MMEL1: variants seen among roughly 807,000 people sequenced by gnomAD.
MMEL1 encodes the protein membrane metallo-endopeptidase-like 1.
In MMEL1, 98 loss-of-function variants were observed where a neutral mutation model predicts 117.1. The observed-to-expected ratio is 0.84, with a 90% confidence interval of 0.71 to 0.99. The LOEUF is 0.99. Among genes scored for constraint, MMEL1 ranks in the 50% least tolerant of loss-of-function variants. MMEL1 has a pLI of 0.00. For missense variants in MMEL1, 1,014 were observed against 1,049.1 expected, an observed-to-expected ratio of 0.97 and a Z score of 0.46; for synonymous variants, 390 against 415.1, an observed-to-expected ratio of 0.94 and a Z score of 0.74.
chr1:2,595,868 G>T lies in MMEL1; in HGVS notation c.1500+141C>A. 3.0e-6 allele frequency: 2 copies of T among 657,692 alleles called. No individual in the cohort carries two copies. The highest frequency in any genetic ancestry group is 2.5e-5 in the East Asian group (1 of 39,404). 40.7% of individuals were successfully genotyped at this position (657,692 alleles called of 1,614,324 possible). On this transcript the variant is annotated intron_variant, in intron 15 of 23. Coordinates refer to ENST00000378412, the MANE Select transcript of MMEL1 (RefSeq NM_033467.4). The surrounding 1 kb of genome is among the most constrained non-coding windows in gnomAD (Gnocchi z 4.8). The stretch of plus-strand genomic sequence containing the variant: ...TGGGGTCCTGTCTGCGCCTCCCGGG[G>T]CTGCCTTCTCCCCGTGGGGTCCTGT...
At chr1:2,604,058 A>G in intron 10 of MMEL1, 85 bp from the exon 11 acceptor site, 1 of 1,576,390 alleles carries the variant, frequency 6.3e-7, no homozygotes, top group Non-Finnish European at 8.6e-7. Context: ...CTACCGGCCC[A>G]CCCAGCACCC....
intron 22 of MMEL1, 118 bp downstream of exon 22, chr1:2,591,814 C>T: frequency 8.5e-7 from 1 of 1,177,724 alleles, no homozygotes; most frequent in Non-Finnish European, 1.3e-6. Context: ...GCCCCTCATG[C>T]TTTTCCCCCA....
chr1:2,595,905 G>A lies in MMEL1; in HGVS notation c.1500+104C>T, dbSNP rs1196232999. The A allele has an allele frequency of 1.2e-5, 11 of 916,978 alleles. No homozygotes were observed. In the Admixed American group the frequency reaches 1.6e-4, roughly 13 times the overall value. 56.8% of individuals were successfully genotyped at this position (916,978 alleles called of 1,614,324 possible). A position where few individuals can be genotyped will look rare whatever the true frequency, so the allele number is the denominator to read the frequency against. ...CCGTGGGGTCCTGTCTGCGCCTCCC[G>A]GGGCTGCCTTCTCCCCGTGGGGACC... On this transcript the variant is annotated intron_variant, in intron 15 of 23. Coordinates refer to ENST00000378412, the MANE Select transcript of MMEL1 (RefSeq NM_033467.4). The surrounding 1 kb of genome is among the most constrained non-coding windows in gnomAD (Gnocchi z 4.8).
intron 2 of MMEL1, among the ~76,000 whole-genome samples, chr1:2,626,139 C>A (rs552916740): frequency 3.3e-5 from 5 of 152,282 alleles, no homozygotes; most frequent in Non-Finnish European, 7.3e-5. Context: ...GCCAGATGTG[C>A]GATGCGATTA....
At chr1:2,608,916 C>G (rs140267934) in intron 6 of MMEL1, among the ~76,000 whole-genome samples, 1 of 91,144 alleles carries the variant, frequency 1.1e-5, no homozygotes, top group African/African-American at 5.7e-5. Context: ...CACATATATA[C>G]ACATACACGT....
intron 10 of MMEL1, 79 bp downstream of exon 10, chr1:2,604,068 C>A: frequency 6.3e-7 from 1 of 1,575,422 alleles, no homozygotes; most frequent in East Asian, 2.3e-5. Context: ...ACCCAGCACC[C>A]CCTCACCTTG....
At chr1:2,604,692 G>A (rs1023888062) in intron 9 of MMEL1, among the ~76,000 whole-genome samples, 1 of 152,120 alleles carries the variant, frequency 6.6e-6, no homozygotes, top group African/African-American at 2.4e-5. Context: ...CCCTACCCAG[G>A]TGCTTCCCGG....
Position 2,603,066 on chromosome 1 carries a change from GC to G in MMEL1, c.1041+817del, listed in dbSNP as rs1020508512. Among the ~76,000 whole-genome samples, 76 of 152,326 alleles carry G rather than the reference GC, an allele frequency of 5.0e-4. 1 individual carries two copies. Among genetic ancestry groups the G allele is most frequent in the African/African-American group, 1.8e-3 (73 of 41,576 alleles). On this transcript the variant is annotated intron_variant, in intron 11 of 23. Coordinates refer to ENST00000378412, the MANE Select transcript of MMEL1 (RefSeq NM_033467.4). ...GGGGAAGGTGTGTCCCCGCAGGCCAGCCCTGGGGACCAGAACCGATCTAGGG... is the reference window on the plus strand; with the variant it reads ...GGGGAAGGTGTGTCCCCGCAGGCCAGCCTGGGGACCAGAACCGATCTAGGG...
At chr1:2,607,353 G>T (rs1237917841) in intron 6 of MMEL1, among the ~76,000 whole-genome samples, 2 of 152,134 alleles carry the variant, frequency 1.3e-5, no homozygotes, top group African/African-American at 4.8e-5. Context: ...GGGACAAAGA[G>T]GATGATGGGA....
intron 12 of MMEL1, 66 bp from the exon 13 acceptor site, chr1:2,598,366 G>T: frequency 6.6e-7 from 1 of 1,514,142 alleles, no homozygotes; most frequent in Non-Finnish European, 9.2e-7. Flanking sequence ...AGGAGATATG[G>T]CTTAGGGCCC....
chr1:2,611,274 G>A lies in MMEL1; in HGVS notation c.292+7C>T. The A allele has an allele frequency of 2.5e-6, 4 of 1,577,458 alleles. No homozygotes were observed. The highest frequency in any genetic ancestry group is 3.4e-6 in the Non-Finnish European group (4 of 1,163,454). On this transcript the variant is annotated splice_region_variant and intron_variant, in intron 4 of 23. Coordinates refer to ENST00000378412, the MANE Select transcript of MMEL1 (RefSeq NM_033467.4). The stretch of plus-strand genomic sequence containing the variant: ...CAGGCTGTGGACGGCAAGGGGGCGG[G>A]GCTTACCTGCTATCACGCAGCCAGG...
chr1:2,604,120 G>GCAGC, intron 10 of MMEL1, 27 bp downstream of exon 10: 47 of 1,330,062 alleles, frequency 3.5e-5, no homozygotes, highest in Non-Finnish European at 4.4e-5. Flanking sequence ...CTCGCTGCCC[G>GCAGC]CTCCCCACCC....
intron 4 of MMEL1, 67 bp downstream of exon 4, chr1:2,611,214 A>C: frequency 6.8e-7 from 1 of 1,472,462 alleles, no homozygotes; most frequent in South Asian, 1.2e-5. Context: ...GGCGGGGCCT[A>C]CGTCAGTGTC....
chr1:2,594,293 C>G, intron 18 of MMEL1, 92 bp downstream of exon 18: 1 of 1,366,382 alleles, frequency 7.3e-7, no homozygotes, highest in Non-Finnish European at 1.0e-6. Flanking sequence ...CTGGGGTGCC[C>G]CCAGGAGGAA....
chr1:2,619,877 G>T (rs993170273), intron 2 of MMEL1, among the ~76,000 whole-genome samples: 2 of 152,070 alleles, frequency 1.3e-5, no homozygotes, highest in Admixed American at 6.6e-5. Flanking sequence ...CCAGAATGCA[G>T]GAGAAAGTCA....
intron 6 of MMEL1, among the ~76,000 whole-genome samples, chr1:2,608,776 C>T (rs1645073803): frequency 6.6e-6 from 1 of 152,156 alleles, no homozygotes; most frequent in South Asian, 2.1e-4. Context: ...AATGCACACA[C>T]ATATGTACAC....
intron 19 of MMEL1, 42 bp from the exon 20 acceptor site, chr1:2,593,008 G>T: frequency 6.2e-7 from 1 of 1,604,822 alleles, no homozygotes. Context: ...GCCCCTGGCT[G>T]CACTGTGCCT....
In MMEL1 at chr1:2,606,975, T is replaced by C. The variant is rs775301803; in HGVS notation, c.630A>G (p.Val210=). The change falls in exon 7 of 24, where the codon GTA becomes GTG. Residue 210 remains valine (V), a splice_region_variant and synonymous_variant. Coordinates refer to ENST00000378412, the MANE Select transcript of MMEL1 (RefSeq NM_033467.4). Reference sequence around the variant, plus strand: ...GGCTGCTGCCAGGCCCGGCCTTACCTACGGTCTCGTTCCACCTGTCCATCG... The same window carrying C: ...GGCTGCTGCCAGGCCCGGCCTTACCCACGGTCTCGTTCCACCTGTCCATCG... ...PVAMDRWNET[V]GLEWELERQL... 34 of 1,612,190 alleles carry C rather than the reference T, an allele frequency of 2.1e-5. No individual in the cohort carries two copies. Among genetic ancestry groups the C allele is most frequent in the Non-Finnish European group, 2.8e-5 (33 of 1,179,714 alleles).
Position 2,594,905 on chromosome 1 carries a change from G to T in MMEL1, c.1585-12C>A. The T allele has an allele frequency of 6.2e-7, 1 of 1,608,668 alleles. No homozygotes were observed. Among genetic ancestry groups the T allele is most frequent in the Non-Finnish European group, 8.5e-7 (1 of 1,175,298 alleles). On this transcript the variant is annotated splice_polypyrimidine_tract_variant and intron_variant, in intron 16 of 23. Coordinates refer to ENST00000378412, the MANE Select transcript of MMEL1 (RefSeq NM_033467.4). Reference sequence around the variant, plus strand: ...TCTGAGAAGTTCAGCTACGGGAGAGGGGCAGTCACTGCCAGATGCTGGGGC... The same window carrying T: ...TCTGAGAAGTTCAGCTACGGGAGAGTGGCAGTCACTGCCAGATGCTGGGGC...
Sources: allele counts gnomAD v4.1 joint callset (sites outside exome capture counted in the v4.1 genomes callset), GRCh38; gene constraint gnomAD v4.1.1; non-coding constraint Gnocchi (gnomAD v3.1); transcripts MANE v1.5; gene names NCBI Gene and HGNC (gene_info 2026-07-23, HGNC 2026-07-21).